Variants in CADM2 observed in about 807,000 individuals in gnomAD.
The protein encoded by CADM2 is immunoglobulin superfamily member 4D.
Under a neutral mutation model 49.8 loss-of-function variants are expected in CADM2, and 12 were observed. The ratio of observed to expected loss-of-function variants is 0.24; its 90% confidence interval spans 0.15 to 0.39. The LOEUF (loss-of-function observed/expected upper bound fraction) is 0.39. CADM2 is among the 10% of genes least tolerant of loss of function. The probability of loss-of-function intolerance (pLI) is 1.00; values close to 1 mark genes in which losing one functional copy is unlikely to be tolerated. For missense variants in CADM2, 378 were observed against 492.3 expected (o/e 0.77, Z 2.20); for synonymous variants, 214 against 175.4 (o/e 1.22, Z -1.74).
intron 1 of CADM2, among the ~76,000 whole-genome samples, chr3:85,388,215 G>A (rs905164132): frequency 6.6e-6 from 1 of 152,114 alleles, no homozygotes; most frequent in African/African-American, 2.4e-5. Context: ...TTGTAGAGAT[G>A]AGGTCTCACC....
intron 6 of CADM2, among the ~76,000 whole-genome samples, chr3:85,931,353 C>A (rs1577694840): frequency 6.6e-6 from 1 of 152,010 alleles, no homozygotes; most frequent in Non-Finnish European, 1.5e-5. Context: ...GCTGCAGGAT[C>A]GATCATGTGA....
rs546359905 is a variant in CADM2, at chr3:85,425,905, C to T, written c.62-300617C>T. Among the ~76,000 whole-genome samples, 4 of 152,254 alleles carry T rather than the reference C, an allele frequency of 2.6e-5. No individual in the cohort carries two copies. In the East Asian group the frequency reaches 7.7e-4, roughly 29 times the overall value. ...AATGTGGAGGTCTAAAGGGCAGGCA[C>T]ATGATCTACAGCTGTGACAGTTTAG... On this transcript the variant is annotated intron_variant, in intron 1 of 9. Coordinates refer to ENST00000383699, the MANE Select transcript of CADM2 (RefSeq NM_001167675.2).
chr3:85,801,844 C>CA (rs2072063526), intron 2 of CADM2, among the ~76,000 whole-genome samples: 1 of 152,062 alleles, frequency 6.6e-6, no homozygotes, highest in Admixed American at 6.6e-5. Context: ...GTAGGGAGTA[C>CA]AAAGGAGTCT....
chr3:86,008,840 A>C (rs930321788), intron 8 of CADM2, among the ~76,000 whole-genome samples: 4 of 152,026 alleles, frequency 2.6e-5, no homozygotes, highest in Middle Eastern at 3.4e-3. Context: ...GATTTTTTCC[A>C]GTTTTCAATT....
chr3:85,414,985 G>A lies in CADM2; in HGVS notation c.62-311537G>A, dbSNP rs753373260. 6.6e-5 allele frequency among the ~76,000 whole-genome samples: 10 copies of A among 152,044 alleles called. No individual in the cohort carries two copies. The South Asian group carries it at 1.7e-3, about 25-fold the overall frequency. On this transcript the variant is annotated intron_variant, in intron 1 of 9. Transcript: ENST00000383699. ...TTTTTAGTTTAAAAAAGTAAATCAC[G>A]CAAAATGGAAAGAAACTTTTAAAGT...
At chr3:85,565,221 C>T (rs568228011) in intron 1 of CADM2, among the ~76,000 whole-genome samples, 7 of 104,790 alleles carry the variant, frequency 6.7e-5, no homozygotes, top group South Asian at 2.8e-4. Context: ...ATCTGTTAGT[C>T]GAGAAGAAAA....
At chr3:85,797,241 A>G (rs1039894909) in intron 2 of CADM2, among the ~76,000 whole-genome samples, 1 of 151,978 alleles carries the variant, frequency 6.6e-6, no homozygotes, top group Non-Finnish European at 1.5e-5. Context: ...GATAGAAACC[A>G]TCTGAGTTTT....
At position 86,074,211 on chromosome 3, in the gene CADM2, T is replaced by G. The variant is rs766402274; in HGVS notation, c.*7428T>G. ...TAATCATATATCCAACCTAAGCTTC[T>G]GCCAATAAGGATTTCAGATAAGCTT... On this transcript the variant is annotated 3_prime_UTR_variant, in exon 10 of 10. Transcript: ENST00000383699. 6.6e-6 allele frequency: 1 copy of G among 152,022 alleles called. No individual in the cohort carries two copies. The highest frequency in any genetic ancestry group is 1.5e-5 in the Non-Finnish European group (1 of 67,874). 9.4% of individuals were successfully genotyped at this position (152,022 alleles called of 1,614,324 possible). A position where few individuals can be genotyped will look rare whatever the true frequency, so the allele number is the denominator to read the frequency against.
chr3:85,078,349 T>A (rs547106117), intron 1 of CADM2, among the ~76,000 whole-genome samples: 1 of 151,974 alleles, frequency 6.6e-6, no homozygotes, highest in Non-Finnish European at 1.5e-5. Context: ...AAATAAACTG[T>A]TCCTGCTACA....
intron 5 of CADM2, among the ~76,000 whole-genome samples, chr3:85,910,151 G>A (rs1186505328): frequency 6.6e-6 from 1 of 152,120 alleles, no homozygotes; most frequent in Non-Finnish European, 1.5e-5. Flanking sequence ...GCTAAAAGAA[G>A]CAGATGTGTG....
chr3:85,777,465 G>A (rs970144555), intron 2 of CADM2, among the ~76,000 whole-genome samples: 3 of 151,990 alleles, frequency 2.0e-5, no homozygotes, highest in Non-Finnish European at 2.9e-5. Context: ...TCATTTGCCA[G>A]GCTGGTCTCC....
intron 1 of CADM2, among the ~76,000 whole-genome samples, chr3:85,172,228 C>A (rs151103222): frequency 1.3e-5 from 2 of 152,256 alleles, no homozygotes; most frequent in African/African-American, 4.8e-5. Context: ...TTGGAACCAC[C>A]TGATACTGCC....
intron 1 of CADM2, among the ~76,000 whole-genome samples, chr3:85,474,919 C>G (rs2038916450): frequency 6.6e-6 from 1 of 151,920 alleles, no homozygotes; most frequent in African/African-American, 2.4e-5. Flanking sequence ...TCATAAACTA[C>G]AGACTCAGCA....
At chr3:85,577,853 A>G (rs2062680245) in intron 1 of CADM2, among the ~76,000 whole-genome samples, 2 of 152,226 alleles carry the variant, frequency 1.3e-5, no homozygotes, top group South Asian at 4.1e-4. Flanking sequence ...AATGGAGAAC[A>G]AGTATAAGAA....
chr3:85,298,435 T>C lies in CADM2; in HGVS notation c.61+338767T>C, dbSNP rs1199501411. On this transcript the variant is annotated intron_variant, in intron 1 of 9. Coordinates refer to ENST00000383699, the MANE Select transcript of CADM2 (RefSeq NM_001167675.2). ...TTGAGGATATTTCCACATAAATATG[T>C]GTTATCCCTTCATTGAAAATGCATG... Among the ~76,000 whole-genome samples the C allele has an allele frequency of 1.4e-4, 22 of 152,258 alleles. No homozygotes were observed. In the East Asian group the frequency reaches 1.9e-3, roughly 13 times the overall value.
At position 85,013,838 on chromosome 3, in the gene CADM2, A is replaced by T. The variant is rs926346649; in HGVS notation, c.61+54170A>T. ...TTAATTATAATTAATTAATATTAAT[A>T]TAATATTGTACTGAGGACAATATTA... is the stretch of plus-strand genomic sequence containing the variant. On this transcript the variant is annotated intron_variant, in intron 1 of 9. Coordinates refer to ENST00000383699, the MANE Select transcript of CADM2 (RefSeq NM_001167675.2). 4.1e-5 allele frequency among the ~76,000 whole-genome samples: 6 copies of T among 147,654 alleles called. No homozygotes were observed. In the East Asian group the frequency reaches 1.2e-3, roughly 29 times the overall value.
At chr3:85,365,785 A>G (rs1351583982) in intron 1 of CADM2, among the ~76,000 whole-genome samples, 1 of 152,224 alleles carries the variant, frequency 6.6e-6, no homozygotes, top group East Asian at 1.9e-4. Flanking sequence ...ACATTTAAAA[A>G]TTGAACTTTT....
chr3:85,355,878 ATGAC>A (rs1450699249), intron 1 of CADM2, among the ~76,000 whole-genome samples: 1 of 152,060 alleles, frequency 6.6e-6, no homozygotes, highest in Non-Finnish European at 1.5e-5. Flanking sequence ...ACAAATCTGA[ATGAC>A]TGCTGCACAC....
At chr3:85,153,284 G>A (rs1313276034) in intron 1 of CADM2, among the ~76,000 whole-genome samples, 2 of 152,186 alleles carry the variant, frequency 1.3e-5, no homozygotes, top group Non-Finnish European at 2.9e-5. Flanking sequence ...AAGTGCAAGG[G>A]GTCAGGGAGT....
Sources: gnomAD v4.1 joint callset for allele counts (sites outside exome capture counted in the v4.1 genomes callset) on GRCh38, gnomAD v4.1.1 for gene constraint, MANE v1.5 for transcripts, NCBI Gene and HGNC (gene_info 2026-07-23, HGNC 2026-07-21) for gene names.